LPA: variants seen among roughly 807,000 people sequenced by gnomAD.
The protein encoded by LPA is lipoprotein(a).
Under a neutral mutation model 197.9 loss-of-function variants are expected in LPA, and 199 were observed. That is an observed-to-expected ratio of 1.01 (90% CI 0.90 to 1.13). The LOEUF is 1.13. Ranked by LOEUF, LPA falls within the 50% of genes most tolerant of loss-of-function variation. The pLI is 0.00. For synonymous variants in LPA, 715 were observed against 639.5 expected (o/e 1.12, Z -1.78); for missense variants, 1,853 against 1,785.8 (o/e 1.04, Z -0.68).
chr6:160,531,745 A>C lies in LPA; in HGVS notation c.6107T>G (p.Met2036Arg), dbSNP rs1562311807. The change falls in exon 39 of 39, where the codon ATG becomes AGG. Residue 2036 changes from methionine to arginine, a missense_variant. By Grantham distance (91) the Met-to-Arg change is moderately conservative (BLOSUM62 -1). Around this residue, in one of 3 missense-constraint regions of LPA, gnomAD observed 1,737 missense variants for 1,504.4 expected, o/e 1.15. Transcript: ENST00000316300. ...CCCGTCCAATTAATTATTTCTCATC[A>C]TTCCCTCAATCCAAGTAACAAACCT... ...VSRFVTWIEGMMRNN is the reference protein window; with the variant it reads ...VSRFVTWIEGRMRNN 11 of 1,614,018 alleles carry C rather than the reference A, an allele frequency of 6.8e-6. No individual in the cohort carries two copies. The South Asian group carries it at 1.1e-4, about 16-fold the overall frequency.
At chr6:160,535,883 T>C (rs1185532265) in intron 37 of LPA, among the ~76,000 whole-genome samples, 1 of 152,206 alleles carries the variant, frequency 6.6e-6, no homozygotes, top group Non-Finnish European at 1.5e-5. Flanking sequence ...AGCTTCATGC[T>C]TTCATCAGTT....
intron 21 of LPA, 60 bp downstream of exon 21, chr6:160,595,294 T>C (rs1779108232): frequency 6.3e-7 from 1 of 1,596,194 alleles, no homozygotes; most frequent in Non-Finnish European, 8.5e-7. Context: ...TCACTAAGAT[T>C]TTGCAACTCT....
intron 27 of LPA, among the ~76,000 whole-genome samples, chr6:160,577,676 A>T (rs886936097): frequency 2.6e-5 from 4 of 152,206 alleles, no homozygotes; most frequent in Admixed American, 2.6e-4. Context: ...CCGACACAAG[A>T]CCCTTGCGCA....
intron 26 of LPA, among the ~76,000 whole-genome samples, chr6:160,581,998 C>A (rs1381296308): frequency 6.6e-6 from 1 of 152,046 alleles, no homozygotes; most frequent in Non-Finnish European, 1.5e-5. Context: ...TATTATTTTT[C>A]TTCTACTTAC....
chr6:160,605,275 G>C lies in LPA; in HGVS notation c.2786-70C>G. On this transcript the variant is annotated intron_variant, in intron 17 of 38. Coordinates refer to ENST00000316300, the MANE Select transcript of LPA (RefSeq NM_005577.4). ...AGACAAACATGTGAAGCCACTTATG[G>C]CACAAACCAGAAAAAAGTCTCTGAG... 6 of 1,564,174 alleles carry C rather than the reference G, an allele frequency of 3.8e-6. 1 individual carries two copies. The highest frequency in any genetic ancestry group is 1.7e-4 in the Middle Eastern group (1 of 5,986).
Position 160,564,211 on chromosome 6 carries a change from C to T in LPA, c.4632-6640G>A, listed in dbSNP as rs537996425. ...TTTGCAGTAGCTGTTACTGGTTTTTCCTTTCCATATTTAGTGTTTTCTTCA... is the reference window on the plus strand; with the variant it reads ...TTTGCAGTAGCTGTTACTGGTTTTTTCTTTCCATATTTAGTGTTTTCTTCA... On this transcript the variant is annotated intron_variant, in intron 28 of 38. Transcript: ENST00000316300. 4.6e-5 allele frequency among the ~76,000 whole-genome samples: 7 copies of T among 152,170 alleles called. No homozygotes were observed. In the East Asian group the frequency reaches 1.2e-3, roughly 25 times the overall value.
chr6:160,565,911 G>A (rs1360060788), intron 28 of LPA, among the ~76,000 whole-genome samples: 2 of 152,140 alleles, frequency 1.3e-5, no homozygotes, highest in Non-Finnish European at 1.5e-5. Context: ...ATTCAATCAA[G>A]TGGAAGAAAG....
At chr6:160,655,162 T>C (rs1312900380) in intron 1 of LPA, among the ~76,000 whole-genome samples, 1 of 152,204 alleles carries the variant, frequency 6.6e-6, no homozygotes, top group African/African-American at 2.4e-5. Context: ...CAGGTTCAGG[T>C]AGCATGGTGA....
chr6:160,648,237 T>G (rs906734129), intron 2 of LPA, among the ~76,000 whole-genome samples: 1 of 152,198 alleles, frequency 6.6e-6, no homozygotes. Flanking sequence ...AGACACAGCT[T>G]TTTGTTTTTC....
intron 17 of LPA, among the ~76,000 whole-genome samples, chr6:160,606,176 A>G (rs1254974129): frequency 6.6e-6 from 1 of 152,310 alleles, no homozygotes. Context: ...ATCTGACAGC[A>G]TGTTACAATA....
chr6:160,609,253 T>G (rs1215116934), intron 16 of LPA, among the ~76,000 whole-genome samples: 1 of 152,164 alleles, frequency 6.6e-6, no homozygotes, highest in Non-Finnish European at 1.5e-5. Context: ...GTGCACAATA[T>G]GCATTTATCC....
intron 26 of LPA, among the ~76,000 whole-genome samples, chr6:160,581,223 A>T (rs966636891): frequency 5.9e-5 from 9 of 152,104 alleles, no homozygotes; most frequent in Non-Finnish European, 8.8e-5. Flanking sequence ...AAATAAATTG[A>T]CCATATATGT....
chr6:160,565,925 A>G (rs1048776294), intron 28 of LPA, among the ~76,000 whole-genome samples: 1 of 152,210 alleles, frequency 6.6e-6, no homozygotes, highest in African/African-American at 2.4e-5. Flanking sequence ...AAGAAAGGGT[A>G]TCAGTGATTA....
At chr6:160,580,215 C>T (rs536828989) in intron 26 of LPA, among the ~76,000 whole-genome samples, 8 of 152,050 alleles carry the variant, frequency 5.3e-5, no homozygotes, top group South Asian at 2.1e-4. Flanking sequence ...GTAACTTGTT[C>T]CTTGTTGATG....
intron 32 of LPA, among the ~76,000 whole-genome samples, chr6:160,545,769 G>A (rs1310307344): frequency 6.6e-6 from 1 of 152,154 alleles, no homozygotes; most frequent in African/African-American, 2.4e-5. Flanking sequence ...TGACCCTGAA[G>A]GGTCTTTGGA....
intron 1 of LPA, among the ~76,000 whole-genome samples, chr6:160,654,090 TTATA>T (rs1780087033): frequency 3.7e-5 from 1 of 26,776 alleles, no homozygotes; most frequent in African/African-American, 1.8e-4. Flanking sequence ...ATTATATATA[TTATA>T]TATAATATAA....
chr6:160,647,234 A>G (rs1054592693), intron 2 of LPA, among the ~76,000 whole-genome samples: 8 of 152,186 alleles, frequency 5.3e-5, no homozygotes, highest in African/African-American at 1.9e-4. Flanking sequence ...AGAGATCTGA[A>G]GAGGTCGGAC....
intron 33 of LPA, among the ~76,000 whole-genome samples, chr6:160,545,158 T>C (rs1167800454): frequency 6.6e-6 from 1 of 152,108 alleles, no homozygotes; most frequent in Non-Finnish European, 1.5e-5. Flanking sequence ...GGTGGGACTA[T>C]CCCGGGCTGA....
In LPA at chr6:160,606,523, A is replaced by G. The variant is rs1232819122; in HGVS notation, c.2739T>C (p.Pro913=). The G allele has an allele frequency of 4.3e-6, 7 of 1,613,482 alleles. No homozygotes were observed. Among genetic ancestry groups the G allele is most frequent in the Non-Finnish European group, 5.9e-6 (7 of 1,179,934 alleles). The change falls in exon 17 of 39, where the codon CCT becomes CCC. Residue 913 remains proline, a synonymous_variant. Coordinates refer to ENST00000316300, the MANE Select transcript of LPA (RefSeq NM_005577.4). ...GGCTTGGAATCGGGGTAATAGTTGG[A>G]GGCGCGACGGCAGTCCCTTCTGCGT... ...CSDAEGTAVA[P]PTITPIPSLE... is the part of the protein sequence containing the mutation.
Sources: allele counts gnomAD v4.1 joint callset (sites outside exome capture counted in the v4.1 genomes callset), GRCh38; gene constraint gnomAD v4.1.1; regional missense constraint gnomAD v4.1.1; transcripts MANE v1.5; gene names NCBI Gene and HGNC (gene_info 2026-07-23, HGNC 2026-07-21).